Variants in LMX1A observed in about 807,000 individuals in gnomAD.
The protein encoded by LMX1A is LIM homeobox transcription factor 1-alpha.
A neutral mutation model predicts 49.1 loss-of-function variants in LMX1A; 15 were observed. The observed-to-expected ratio is 0.31, with a 90% CI of 0.20 to 0.47. The LOEUF is 0.47. Ranked by LOEUF, LMX1A falls within the 20% of genes least tolerant of loss-of-function variation. LMX1A has a pLI of 1.00. For missense variants in LMX1A, 372 were observed against 475.8 expected, an observed-to-expected ratio of 0.78 and a Z score of 2.03; for synonymous variants, 167 against 185.7, an observed-to-expected ratio of 0.90 and a Z score of 0.82.
In LMX1A at chr1:165,219,969, G is replaced by C. The variant is rs565888152; in HGVS notation, c.497-6156C>G. Among the ~76,000 whole-genome samples the C allele has an allele frequency of 1.4e-4, 22 of 152,330 alleles. No homozygotes were observed. In the South Asian group the frequency reaches 4.6e-3, roughly 32 times the overall value. On this transcript the variant is annotated intron_variant, in intron 4 of 8. Coordinates refer to ENST00000342310, the MANE Select transcript of LMX1A (RefSeq NM_177398.4). ...TGCAGGTGTCACCTGAGCTGAAAAT[G>C]AATGACACAAATGGTGACCAGGAGT...
chr1:165,212,741 C>T (rs1049604520), intron 5 of LMX1A: 7 of 152,108 alleles, frequency 4.6e-5, no homozygotes, highest in Non-Finnish European at 8.8e-5. Context: ...TGCTAATTGT[C>T]CCCAATATCT....
chr1:165,294,240 G>A (rs545396296), intron 3 of LMX1A, among the ~76,000 whole-genome samples: 4 of 151,326 alleles, frequency 2.6e-5, no homozygotes, highest in East Asian at 3.8e-4. Flanking sequence ...CTGCAGTTAC[G>A]AGCCCAGGCT....
At chr1:165,236,711 G>A (rs1652459648) in intron 4 of LMX1A, among the ~76,000 whole-genome samples, 1 of 151,082 alleles carries the variant, frequency 6.6e-6, no homozygotes, top group Non-Finnish European at 1.5e-5. Flanking sequence ...CCATCCCTCT[G>A]AGCTTCGCCT....
intron 4 of LMX1A, chr1:165,215,893 C>CCA (rs1237154862): frequency 1.3e-5 from 2 of 152,112 alleles, no homozygotes. Flanking sequence ...ACAATAAATA[C>CCA]CACACAGTGG....
chr1:165,345,083 T>G (rs561880197), intron 3 of LMX1A, among the ~76,000 whole-genome samples: 1 of 152,318 alleles, frequency 6.6e-6, no homozygotes, highest in South Asian at 2.1e-4. Context: ...GAAAATATGG[T>G]TTGGGGGGAT....
In LMX1A at chr1:165,205,898, T is replaced by C; in HGVS notation, c.954A>G (p.Pro318=). Residue 318 remains proline, a synonymous_variant, in exon 8 of 9, where the codon CCA becomes CCG. Transcript: ENST00000342310. ...GCATGTGGTCTCCAGGCATCTGGGG[T>C]GGGGTGAGACCCTGTCGGAAGGGAT... The part of the protein sequence containing the change: ...SSDPFRQGLT[P]PQMPGDHMHP... 6.2e-7 allele frequency: 1 copy of C among 1,613,848 alleles called. No individual in the cohort carries two copies. The highest frequency in any genetic ancestry group is 8.5e-7 in the Non-Finnish European group (1 of 1,179,972).
chr1:165,258,864 G>T lies in LMX1A; in HGVS notation c.264-9224C>A, dbSNP rs115098672. ...CTGATTAAACCTGTATTCAAACCTT[G>T]GTTCTATCTTTAAGAACTTGAGCAA... On this transcript the variant is annotated intron_variant, in intron 3 of 8. Coordinates refer to ENST00000342310, the MANE Select transcript of LMX1A (RefSeq NM_177398.4). Among the ~76,000 whole-genome samples, 526 of 152,234 alleles carry T rather than the reference G, an allele frequency of 3.5e-3. 1 individual carries two copies. Among genetic ancestry groups the T allele is most frequent in the African/African-American group, 0.012 (504 of 41,532 alleles).
chr1:165,343,878 T>C (rs1400339397), intron 3 of LMX1A, among the ~76,000 whole-genome samples: 4 of 152,230 alleles, frequency 2.6e-5, no homozygotes, highest in African/African-American at 9.6e-5. Flanking sequence ...GTCATTCCTT[T>C]GACTGAACAC....
At chr1:165,330,723 T>A (rs1655721837) in intron 3 of LMX1A, among the ~76,000 whole-genome samples, 1 of 152,154 alleles carries the variant, frequency 6.6e-6, no homozygotes, top group Non-Finnish European at 1.5e-5. Context: ...GAAACTCAGA[T>A]GGAAAACCCA....
At chr1:165,223,228 GAC>G (rs1169788435) in intron 4 of LMX1A, among the ~76,000 whole-genome samples, 2 of 152,176 alleles carry the variant, frequency 1.3e-5, no homozygotes, top group Admixed American at 1.3e-4. Flanking sequence ...ACACAGTACA[GAC>G]ACAGTAGATA....
intron 3 of LMX1A, among the ~76,000 whole-genome samples, chr1:165,341,930 G>C (rs1371813705): frequency 2.0e-5 from 3 of 152,192 alleles, no homozygotes; most frequent in Non-Finnish European, 4.4e-5. Context: ...CTCTAAATTA[G>C]AAAATTCCAC....
intron 3 of LMX1A, among the ~76,000 whole-genome samples, chr1:165,296,673 A>G (rs1368085595): frequency 6.6e-6 from 1 of 152,244 alleles, no homozygotes; most frequent in Non-Finnish European, 1.5e-5. Context: ...CAGACCTCAT[A>G]TAATGGGATC....
intron 3 of LMX1A, among the ~76,000 whole-genome samples, chr1:165,351,185 CAG>C (rs1656417527): frequency 6.6e-6 from 1 of 151,620 alleles, no homozygotes; most frequent in East Asian, 1.9e-4. Flanking sequence ...TTTTAACAAA[CAG>C]AATAGAAATT....
At chr1:165,204,547 C>T (rs938577393) in intron 8 of LMX1A, among the ~76,000 whole-genome samples, 4 of 152,176 alleles carry the variant, frequency 2.6e-5, no homozygotes, top group African/African-American at 4.8e-5. Context: ...AGGTGCCTAC[C>T]TTCAACTAAT....
At chr1:165,242,347 C>G (rs957320487) in intron 4 of LMX1A, among the ~76,000 whole-genome samples, 2 of 151,978 alleles carry the variant, frequency 1.3e-5, no homozygotes, top group African/African-American at 4.8e-5. Flanking sequence ...TGGGAAAATC[C>G]CTCTACAAAA....
At chr1:165,316,677 A>G (rs1290880828) in intron 3 of LMX1A, among the ~76,000 whole-genome samples, 1 of 152,170 alleles carries the variant, frequency 6.6e-6, no homozygotes, top group Non-Finnish European at 1.5e-5. Context: ...CCTCATTTTC[A>G]TCCACATCCA....
chr1:165,341,686 G>A (rs1440817044), intron 3 of LMX1A, among the ~76,000 whole-genome samples: 1 of 151,754 alleles, frequency 6.6e-6, no homozygotes, highest in Non-Finnish European at 1.5e-5. Flanking sequence ...TAGATAACCT[G>A]GTTTTCTATC....
chr1:165,250,698 A>G (rs1653026037), intron 3 of LMX1A, among the ~76,000 whole-genome samples: 1 of 152,250 alleles, frequency 6.6e-6, no homozygotes, highest in African/African-American at 2.4e-5. Context: ...CTCAGAATTG[A>G]GTTCAGGCTA....
intron 3 of LMX1A, among the ~76,000 whole-genome samples, chr1:165,313,471 C>CTTTTT (rs34912339): frequency 2.7e-3 from 309 of 114,560 alleles, no homozygotes; most frequent in Non-Finnish European, 3.8e-3. Context: ...CACCTTCTTC[C>CTTTTT]TTTTTTTTTT....
Sources: allele counts gnomAD v4.1 joint callset (sites outside exome capture counted in the v4.1 genomes callset), GRCh38; gene constraint gnomAD v4.1.1; transcripts MANE v1.5; gene names NCBI Gene and HGNC (gene_info 2026-07-23, HGNC 2026-07-21).